Variants in DMD observed in about 807,000 individuals in gnomAD.
The protein encoded by DMD is dystrophin.
A neutral mutation model predicts 330.1 loss-of-function variants in DMD; 63 were observed. The ratio of observed to expected loss-of-function variants is 0.19; its 90% CI spans 0.16 to 0.24. The LOEUF is 0.24. Among genes scored for constraint, DMD ranks in the 10% least tolerant of loss-of-function variants. The probability of loss-of-function intolerance (pLI) is 1.00; values close to 1 mark genes in which losing one functional copy is unlikely to be tolerated. For synonymous variants in DMD, 1,223 were observed against 959.8 expected, an observed-to-expected ratio of 1.27 and a Z score of -5.07; for missense variants, 3,344 against 2,684.1, an observed-to-expected ratio of 1.25 and a Z score of -5.43.
intron 60 of DMD, among the ~76,000 whole-genome samples, chrX:31,421,925 A>ATG (rs1569540421): frequency 3.4e-5 from 3 of 87,024 alleles, no homozygotes; most frequent in African/African-American, 1.6e-4. Context: ...ATATATATAT[A>ATG]TATATATACA....
At chrX:31,481,738 G>A (rs1237550800) in intron 57 of DMD, among the ~76,000 whole-genome samples, 1 of 111,865 alleles carries the variant, frequency 8.9e-6, no homozygotes, top group Non-Finnish European at 1.9e-5. Context: ...AACGGTTATA[G>A]CTCAGGGTAG....
intron 17 of DMD, among the ~76,000 whole-genome samples, chrX:32,540,841 G>A (rs1459909977): frequency 8.9e-6 from 1 of 111,889 alleles, no homozygotes; most frequent in Non-Finnish European, 1.9e-5. Flanking sequence ...AGTGGAGAAT[G>A]AGAATAATAC....
At chrX:32,346,564 C>A (rs1291488329) in intron 38 of DMD, among the ~76,000 whole-genome samples, 2 of 111,251 alleles carry the variant, frequency 1.8e-5, no homozygotes, top group African/African-American at 3.3e-5. Context: ...TACACTAATT[C>A]CTATCTAATA....
At chrX:32,232,149 G>A (rs977097623) in intron 43 of DMD, among the ~76,000 whole-genome samples, 4 of 111,394 alleles carry the variant, frequency 3.6e-5, no homozygotes, top group African/African-American at 9.8e-5. Context: ...GGCTATAAGA[G>A]GTCATAAGTA....
intron 52 of DMD, among the ~76,000 whole-genome samples, chrX:31,690,124 C>T (rs1167406216): frequency 8.9e-6 from 1 of 111,871 alleles, no homozygotes; most frequent in South Asian, 3.7e-4. Flanking sequence ...CAAATGGGAT[C>T]TAATGAAACT....
chrX:32,104,721 A>G (rs905157093), intron 44 of DMD, among the ~76,000 whole-genome samples: 2 of 111,914 alleles, frequency 1.8e-5, no homozygotes, highest in African/African-American at 6.5e-5. Flanking sequence ...CCTATTGAAG[A>G]TGCCAGACAC....
At chrX:33,326,869 G>A (rs1197905688) in intron 1 of DMD, among the ~76,000 whole-genome samples, 1 of 110,627 alleles carries the variant, frequency 9.0e-6, no homozygotes, top group Non-Finnish European at 1.9e-5. Flanking sequence ...GAGATATGGA[G>A]GGGGGATGGC....
At chrX:32,544,278 T>C (rs752552424) in intron 17 of DMD, among the ~76,000 whole-genome samples, 2 of 111,788 alleles carry the variant, frequency 1.8e-5, no homozygotes, top group Non-Finnish European at 3.8e-5. Context: ...TTCTCTAGAT[T>C]TATTTTTTTT....
intron 74 of DMD, among the ~76,000 whole-genome samples, chrX:31,157,780 A>G (rs892745729): frequency 6.4e-5 from 7 of 109,107 alleles, no homozygotes; most frequent in African/African-American, 2.3e-4. Context: ...CTCTATTACA[A>G]TGACAGAAAC....
At chrX:32,060,707 G>T (rs1288512316) in intron 44 of DMD, among the ~76,000 whole-genome samples, 1 of 111,745 alleles carries the variant, frequency 8.9e-6, no homozygotes, top group Non-Finnish European at 1.9e-5. Flanking sequence ...TTTAATCAAA[G>T]CTTGGAGTAT....
At chrX:31,955,183 G>T (rs2095232612) in intron 45 of DMD, among the ~76,000 whole-genome samples, 1 of 110,847 alleles carries the variant, frequency 9.0e-6, no homozygotes, top group African/African-American at 3.3e-5. Context: ...TCTCAAAAAA[G>T]AAAGTTCATA....
intron 7 of DMD, among the ~76,000 whole-genome samples, chrX:32,750,507 G>GT (rs1184271815): frequency 1.8e-5 from 2 of 111,193 alleles, no homozygotes; most frequent in African/African-American, 6.5e-5. Flanking sequence ...TCAGATACCT[G>GT]TATTGTATTT....
At chrX:31,324,201 A>C (rs780454613) in intron 61 of DMD, among the ~76,000 whole-genome samples, 7 of 111,569 alleles carry the variant, frequency 6.3e-5, no homozygotes, top group Non-Finnish European at 1.1e-4. Context: ...TTGGTGCCTC[A>C]AAATGTCAGC....
intron 17 of DMD, among the ~76,000 whole-genome samples, chrX:32,542,479 C>A (rs948469437): frequency 9.0e-6 from 1 of 111,639 alleles, no homozygotes; most frequent in South Asian, 3.7e-4. Flanking sequence ...GTGTGATACT[C>A]CCATAGGAAT....
In DMD at chrX:32,893,631, C is replaced by T. The variant is rs745803139; in HGVS notation, c.94-43811G>A. Among the ~76,000 whole-genome samples the T allele has an allele frequency of 4.5e-5, 5 of 111,388 alleles. No homozygotes were observed. In the East Asian group the frequency reaches 1.4e-3, roughly 32 times the overall value. ...AGCAAAGTAGTAAACTATGAACACA[C>T]CTAAGTTTTTTCTTAAATATTGTAG... On this transcript the variant is annotated intron_variant, in intron 2 of 78. Coordinates refer to ENST00000357033, the MANE Select transcript of DMD (RefSeq NM_004006.3).
At chrX:32,361,312 C>G (rs1266847914) in intron 37 of DMD, among the ~76,000 whole-genome samples, 1 of 111,327 alleles carries the variant, frequency 9.0e-6, no homozygotes, top group Non-Finnish European at 1.9e-5. Flanking sequence ...TTTTAAGAGC[C>G]TGTCACATTT....
At chrX:31,435,671 T>C (rs1215657916) in intron 60 of DMD, 1 of 111,803 alleles carries the variant, frequency 8.9e-6, no homozygotes, top group Non-Finnish European at 1.9e-5. Flanking sequence ...TCTAGAGGAA[T>C]GTGCTGTGAA....
intron 44 of DMD, among the ~76,000 whole-genome samples, chrX:32,170,060 C>CT (rs1029411496): frequency 1.8e-5 from 2 of 111,178 alleles, no homozygotes; most frequent in Non-Finnish European, 3.8e-5. Flanking sequence ...AAGATCTTCT[C>CT]TTTTTTTTCT....
chrX:31,209,792 T>A, intron 64 of DMD, 93 bp from the exon 65 acceptor site: 1 of 840,435 alleles, frequency 1.2e-6, no homozygotes, highest in Non-Finnish European at 1.7e-6. Flanking sequence ...TAGGACTCTC[T>A]CATACCCTTT....
Sources: gnomAD v4.1 joint callset for allele counts (sites outside exome capture counted in the v4.1 genomes callset) on GRCh38, gnomAD v4.1.1 for gene constraint, MANE v1.5 for transcripts, NCBI Gene and HGNC (gene_info 2026-07-23, HGNC 2026-07-21) for gene names.